KLHL1: variants seen among roughly 807,000 people sequenced by gnomAD.
KLHL1 encodes kelch-like protein 1.
Under a neutral mutation model 77.7 loss-of-function variants are expected in KLHL1, and 47 were observed. The ratio of observed to expected loss-of-function variants is 0.60; its 90% CI spans 0.48 to 0.77. The LOEUF is 0.77. KLHL1 is among the 30% of genes least tolerant of loss of function. KLHL1 has a pLI of 0.00. For missense variants in KLHL1, 925 were observed against 910.8 expected (o/e 1.02, Z -0.20); for synonymous variants, 360 against 325.2 (o/e 1.11, Z -1.15).
intron 1 of KLHL1, among the ~76,000 whole-genome samples, chr13:70,083,492 T>C (rs548534947): frequency 3.9e-4 from 59 of 152,298 alleles, no homozygotes; most frequent in African/African-American, 1.4e-3. Flanking sequence ...GAGAATGAGA[T>C]ACTTATTAAT....
intron 7 of KLHL1, among the ~76,000 whole-genome samples, chr13:69,749,424 G>C (rs1874373430): frequency 6.6e-6 from 1 of 151,724 alleles, no homozygotes; most frequent in Non-Finnish European, 1.5e-5. Flanking sequence ...GTTTTATGTT[G>C]CCAAAATGTA....
chr13:69,996,506 A>G (rs1428128798), intron 1 of KLHL1, among the ~76,000 whole-genome samples: 1 of 152,092 alleles, frequency 6.6e-6, no homozygotes, highest in African/African-American at 2.4e-5. Context: ...AAATCCACAT[A>G]TCCCTTGAAA....
chr13:70,004,315 A>C (rs1403501697), intron 1 of KLHL1, among the ~76,000 whole-genome samples: 2 of 151,846 alleles, frequency 1.3e-5, no homozygotes, highest in African/African-American at 4.8e-5. Flanking sequence ...GACACATGAC[A>C]ACAAGAAAGA....
At chr13:69,997,385 G>A (rs985909892) in intron 1 of KLHL1, among the ~76,000 whole-genome samples, 17 of 143,188 alleles carry the variant, frequency 1.2e-4, no homozygotes, top group African/African-American at 4.1e-4. Context: ...CTATAGGTAC[G>A]ACGTTGCACA....
chr13:70,073,131 T>G (rs1003994948), intron 1 of KLHL1, among the ~76,000 whole-genome samples: 1 of 152,152 alleles, frequency 6.6e-6, no homozygotes, highest in Non-Finnish European at 1.5e-5. Flanking sequence ...TGCAGCACTA[T>G]TCACGATAGC....
chr13:70,035,894 A>G (rs1197992922), intron 1 of KLHL1, among the ~76,000 whole-genome samples: 12 of 152,102 alleles, frequency 7.9e-5, no homozygotes, highest in Admixed American at 7.9e-4. Context: ...TAGAAATAAA[A>G]AAAAGTGTCA....
intron 1 of KLHL1, among the ~76,000 whole-genome samples, chr13:69,984,586 A>G (rs556878807): frequency 6.6e-6 from 1 of 152,280 alleles, no homozygotes; most frequent in South Asian, 2.1e-4. Context: ...TGCCTCCTCT[A>G]GCTAGTCTGT....
At chr13:69,906,376 G>T (rs746003688) in intron 4 of KLHL1, among the ~76,000 whole-genome samples, 6 of 151,774 alleles carry the variant, frequency 4.0e-5, no homozygotes, top group Non-Finnish European at 7.4e-5. Context: ...TGTGTTTTTT[G>T]TTTGTTTGTT....
intron 7 of KLHL1, among the ~76,000 whole-genome samples, chr13:69,743,159 A>T (rs1874055760): frequency 6.6e-6 from 1 of 152,194 alleles, no homozygotes; most frequent in African/African-American, 2.4e-5. Context: ...TGAAAGGACC[A>T]GATCACTAGG....
At chr13:69,979,493 C>A (rs1303998528) in intron 1 of KLHL1, among the ~76,000 whole-genome samples, 2 of 152,054 alleles carry the variant, frequency 1.3e-5, no homozygotes, top group Non-Finnish European at 2.9e-5. Context: ...CATATCCAAA[C>A]TACTAATTTA....
chr13:69,987,150 A>C (rs1413390162), intron 1 of KLHL1, among the ~76,000 whole-genome samples: 1 of 151,968 alleles, frequency 6.6e-6, no homozygotes, highest in Non-Finnish European at 1.5e-5. Context: ...CATTTGCTCT[A>C]CTCAAGTTCA....
intron 1 of KLHL1, among the ~76,000 whole-genome samples, chr13:70,071,896 C>G (rs1887146767): frequency 6.6e-6 from 1 of 151,818 alleles, no homozygotes; most frequent in Non-Finnish European, 1.5e-5. Flanking sequence ...CTTCAGCCCC[C>G]CAAAACTGGA....
chr13:69,999,049 T>G (rs1290574037), intron 1 of KLHL1, among the ~76,000 whole-genome samples: 1 of 152,006 alleles, frequency 6.6e-6, no homozygotes, highest in Non-Finnish European at 1.5e-5. Context: ...GTTTTCTCCA[T>G]CAAGTAAGCA....
At chr13:69,849,080 C>G (rs1022561099) in intron 5 of KLHL1, among the ~76,000 whole-genome samples, 5 of 151,500 alleles carry the variant, frequency 3.3e-5, no homozygotes, top group African/African-American at 9.7e-5. Context: ...GGGCTCAGCA[C>G]TTTTCATTCC....
intron 7 of KLHL1, among the ~76,000 whole-genome samples, chr13:69,758,799 T>C (rs1160378589): frequency 2.0e-5 from 3 of 152,158 alleles, no homozygotes; most frequent in Non-Finnish European, 2.9e-5. Context: ...AAAAATAAGA[T>C]GACTGAGTAC....
intron 1 of KLHL1, among the ~76,000 whole-genome samples, chr13:70,027,185 T>TA (rs1351290815): frequency 6.6e-6 from 1 of 152,150 alleles, no homozygotes; most frequent in Non-Finnish European, 1.5e-5. Flanking sequence ...TGTGGCTGTT[T>TA]TTAAAAGTAT....
chr13:69,884,443 A>G (rs1881118321), intron 4 of KLHL1, among the ~76,000 whole-genome samples: 1 of 151,760 alleles, frequency 6.6e-6, no homozygotes, highest in Non-Finnish European at 1.5e-5. Context: ...AAAAAAAAAA[A>G]AAACTACGTG....
intron 5 of KLHL1, among the ~76,000 whole-genome samples, chr13:69,869,211 T>G (rs1437848920): frequency 6.6e-6 from 1 of 152,160 alleles, no homozygotes; most frequent in Admixed American, 6.5e-5. Context: ...AATAATTTTC[T>G]GATAATAGCC....
intron 7 of KLHL1, among the ~76,000 whole-genome samples, chr13:69,777,835 A>G (rs537735411): frequency 5.3e-5 from 8 of 152,268 alleles, no homozygotes; most frequent in African/African-American, 1.9e-4. Context: ...ACTCATGTGT[A>G]AAGTCCTTGA....
Sources: allele counts gnomAD v4.1 joint callset (sites outside exome capture counted in the v4.1 genomes callset), GRCh38; gene constraint gnomAD v4.1.1; transcripts MANE v1.5; gene names NCBI Gene and HGNC (gene_info 2026-07-23, HGNC 2026-07-21).